ADGRL3: variants seen among roughly 807,000 people sequenced by gnomAD.
ADGRL3 encodes the protein calcium-independent alpha-latrotoxin receptor 3.
Under a neutral mutation model 153.5 loss-of-function variants are expected in ADGRL3, and 62 were observed. The observed-to-expected ratio is 0.40, with a 90% CI of 0.33 to 0.50. ADGRL3 has a LOEUF of 0.50. ADGRL3 is among the 20% of genes least tolerant of loss of function. The probability of loss-of-function intolerance (pLI) is 0.47; values close to 1 mark genes in which losing one functional copy is unlikely to be tolerated. For missense variants in ADGRL3, 1,641 were observed against 1,859.4 expected, an observed-to-expected ratio of 0.88 and a Z score of 2.16; for synonymous variants, 710 against 672.5, an observed-to-expected ratio of 1.06 and a Z score of -0.86.
chr4:61,372,122 T>C (rs909351263), intron 1 of ADGRL3, among the ~76,000 whole-genome samples: 22 of 152,076 alleles, frequency 1.4e-4, no homozygotes, highest in African/African-American at 4.3e-4. Context: ...ATTCTAGTTA[T>C]ACATTCTTCT....
At chr4:61,968,003 G>A (rs2099013057) in intron 17 of ADGRL3, among the ~76,000 whole-genome samples, 1 of 152,206 alleles carries the variant, frequency 6.6e-6, no homozygotes, top group Non-Finnish European at 1.5e-5. Flanking sequence ...GAGAGGAAGA[G>A]AAGGCCGAAC....
intron 1 of ADGRL3, among the ~76,000 whole-genome samples, chr4:61,281,359 T>G (rs2093716843): frequency 6.6e-6 from 1 of 152,168 alleles, no homozygotes; most frequent in South Asian, 2.1e-4. Flanking sequence ...TCACAATATT[T>G]CTCTGACCTA....
intron 5 of ADGRL3, among the ~76,000 whole-genome samples, chr4:61,659,753 C>T (rs1388312725): frequency 1.3e-5 from 2 of 151,928 alleles, no homozygotes; most frequent in Admixed American, 6.6e-5. Context: ...GAAATTATAG[C>T]TTACATATTC....
chr4:61,355,446 A>T (rs535481779), intron 1 of ADGRL3, among the ~76,000 whole-genome samples: 1 of 152,082 alleles, frequency 6.6e-6, no homozygotes, highest in East Asian at 1.9e-4. Flanking sequence ...GAGATAGTTG[A>T]CTCCTACTAT....
intron 6 of ADGRL3, among the ~76,000 whole-genome samples, chr4:61,712,390 G>A (rs941650083): frequency 2.6e-5 from 4 of 151,692 alleles, no homozygotes; most frequent in African/African-American, 9.7e-5. Context: ...ACAAGACCAT[G>A]TCCTAGGCCA....
In ADGRL3 at chr4:61,765,221, C is replaced by T. The variant is rs1013944394; in HGVS notation, c.1399+31667C>T. 2.6e-4 allele frequency among the ~76,000 whole-genome samples: 39 copies of T among 152,068 alleles called. No homozygotes were observed. The East Asian group carries it at 6.0e-3, about 23-fold the overall frequency. On this transcript the variant is annotated intron_variant, in intron 8 of 26. Coordinates refer to ENST00000683033, the MANE Select transcript of ADGRL3 (RefSeq NM_001387552.1). ...CAGGGCATGTATGAGTAGTTGAGAACGGTGAATAGGAGTATGACTAGACAG... is the reference window on the plus strand; with the variant it reads ...CAGGGCATGTATGAGTAGTTGAGAATGGTGAATAGGAGTATGACTAGACAG...
At chr4:61,629,721 CAAAAAAAAAAAAAAAAAAAAAAAA>C (rs59504485) in intron 5 of ADGRL3, among the ~76,000 whole-genome samples, 45 of 33,442 alleles carry the variant, frequency 1.3e-3, no homozygotes, top group South Asian at 4.0e-3. Flanking sequence ...CGTCTCGGGG[CAAAAAAAAAAAAAAAAAAAAAAAA>C]AAAAAAAAAA....
At chr4:61,356,162 A>G (rs1364216460) in intron 1 of ADGRL3, among the ~76,000 whole-genome samples, 1 of 152,048 alleles carries the variant, frequency 6.6e-6, no homozygotes, top group Non-Finnish European at 1.5e-5. Flanking sequence ...AAAACAGAAG[A>G]ACATAAAATC....
At chr4:61,456,886 G>T (rs938920976) in intron 2 of ADGRL3, among the ~76,000 whole-genome samples, 2 of 151,962 alleles carry the variant, frequency 1.3e-5, no homozygotes, top group African/African-American at 2.4e-5. Flanking sequence ...GTTTGATACT[G>T]GTACTGCCTC....
intron 2 of ADGRL3, among the ~76,000 whole-genome samples, chr4:61,477,192 A>G (rs2098074420): frequency 6.6e-6 from 1 of 152,158 alleles, no homozygotes; most frequent in Admixed American, 6.5e-5. Flanking sequence ...CAAAACAGTC[A>G]AATGCACCAG....
chr4:61,907,335 G>A (rs1352777765), intron 11 of ADGRL3, among the ~76,000 whole-genome samples: 2 of 151,694 alleles, frequency 1.3e-5, no homozygotes, highest in African/African-American at 2.4e-5. Context: ...CTCAGCTCAC[G>A]GCAACCTCCA....
chr4:61,745,261 T>C (rs1255424918), intron 8 of ADGRL3, among the ~76,000 whole-genome samples: 1 of 152,050 alleles, frequency 6.6e-6, no homozygotes, highest in Admixed American at 6.5e-5. Flanking sequence ...ATGGGGAGAA[T>C]GGAACCAAGT....
At chr4:61,685,142 T>A (rs2095419103) in intron 6 of ADGRL3, among the ~76,000 whole-genome samples, 1 of 151,960 alleles carries the variant, frequency 6.6e-6, no homozygotes, top group African/African-American at 2.4e-5. Context: ...GGTCTCAAAC[T>A]CCTGGGCTCA....
chr4:61,968,096 T>TA (rs2099013467), intron 17 of ADGRL3, among the ~76,000 whole-genome samples: 1 of 152,190 alleles, frequency 6.6e-6, no homozygotes, highest in African/African-American at 2.4e-5. Flanking sequence ...AGTTCCTACT[T>TA]ATCAACACAG....
intron 8 of ADGRL3, among the ~76,000 whole-genome samples, chr4:61,765,221 C>A: frequency 6.6e-6 from 1 of 152,070 alleles, no homozygotes; most frequent in Middle Eastern, 3.4e-3. Context: ...TAGTTGAGAA[C>A]GGTGAATAGG....
At chr4:61,240,390 A>C (rs2149314946) in intron 1 of ADGRL3, among the ~76,000 whole-genome samples, 1 of 152,226 alleles carries the variant, frequency 6.6e-6, no homozygotes, top group African/African-American at 2.4e-5. Context: ...CATACAACCC[A>C]TACCATAGCA....
chr4:61,826,685 G>T (rs2148806419), intron 9 of ADGRL3, among the ~76,000 whole-genome samples: 1 of 152,200 alleles, frequency 6.6e-6, no homozygotes, highest in Non-Finnish European at 1.5e-5. Context: ...TTTTAAAAAT[G>T]ACTGTAGCTA....
intron 1 of ADGRL3, among the ~76,000 whole-genome samples, chr4:61,218,310 G>A (rs1743794822): frequency 2.0e-5 from 2 of 97,842 alleles, no homozygotes; most frequent in African/African-American, 7.7e-5. Context: ...ATATTATTAA[G>A]TGCTTCTTTT....
chr4:61,749,898 G>A (rs1455135141), intron 8 of ADGRL3, among the ~76,000 whole-genome samples: 1 of 151,174 alleles, frequency 6.6e-6, no homozygotes, highest in East Asian at 1.9e-4. Context: ...TAAAGAAAAA[G>A]ACAAAAATGA....
Sources: gnomAD v4.1 joint callset for allele counts (sites outside exome capture counted in the v4.1 genomes callset) on GRCh38, gnomAD v4.1.1 for gene constraint, MANE v1.5 for transcripts, NCBI Gene and HGNC (gene_info 2026-07-23, HGNC 2026-07-21) for gene names.